WDR70: variants seen among roughly 807,000 people sequenced by gnomAD.
The protein encoded by WDR70 is WD repeat-containing protein 70.
In WDR70, 53 loss-of-function variants were observed where a neutral mutation model predicts 88.6. The ratio of observed to expected loss-of-function variants is 0.60; its 90% CI spans 0.48 to 0.75. The LOEUF (loss-of-function observed/expected upper bound fraction) is 0.75. Among genes scored for constraint, WDR70 ranks in the 30% least tolerant of loss-of-function variants. The pLI is 0.00. For synonymous variants in WDR70, 280 were observed against 270.0 expected, an observed-to-expected ratio of 1.04 and a Z score of -0.36; for missense variants, 610 against 823.2, an observed-to-expected ratio of 0.74 and a Z score of 3.17.
At chr5:37,414,155 A>T in intron 5 of WDR70, among the ~76,000 whole-genome samples, 1 of 151,400 alleles carries the variant, frequency 6.6e-6, no homozygotes, top group Non-Finnish European at 1.5e-5. Flanking sequence ...AAAAAAAAAA[A>T]AAAAAAAAGA....
At chr5:37,494,376 A>G (rs1409163248) in intron 8 of WDR70, among the ~76,000 whole-genome samples, 1 of 152,210 alleles carries the variant, frequency 6.6e-6, no homozygotes, top group Non-Finnish European at 1.5e-5. Flanking sequence ...AAATTTGTAG[A>G]AACAATCATT....
At chr5:37,502,997 A>G (rs1208407963) in intron 8 of WDR70, among the ~76,000 whole-genome samples, 1 of 152,044 alleles carries the variant, frequency 6.6e-6, no homozygotes, top group African/African-American at 2.4e-5. Flanking sequence ...AAATACACAA[A>G]CTATATCACA....
rs750294450 is a variant in WDR70, at chr5:37,619,746, T to TTTTTG, written c.1092+14523_1092+14527dup. Among the ~76,000 whole-genome samples, 257 of 152,082 alleles carry TTTTTG rather than the reference T, an allele frequency of 1.7e-3. 1 individual carries two copies. Among genetic ancestry groups the TTTTTG allele is most frequent in the Non-Finnish European group, 1.6e-3 (112 of 67,976 alleles). On this transcript the variant is annotated intron_variant, in intron 10 of 17. Transcript: ENST00000265107. ...AGTGAGTCCTCCCTGTTTGGTTTTT[T>TTTTTG]TTTTGTTTTGTTTTGTTTTTTCTTC... is the stretch of plus-strand genomic sequence containing the variant.
At chr5:37,543,154 C>T (rs1350442039) in intron 9 of WDR70, among the ~76,000 whole-genome samples, 2 of 152,168 alleles carry the variant, frequency 1.3e-5, no homozygotes, top group Non-Finnish European at 2.9e-5. Flanking sequence ...AACCCCCAAA[C>T]TTGTCAGAGA....
intron 13 of WDR70, among the ~76,000 whole-genome samples, chr5:37,706,095 A>G (rs1747313587): frequency 1.3e-5 from 2 of 152,252 alleles, no homozygotes; most frequent in South Asian, 4.1e-4. Flanking sequence ...TCTTAAAAAT[A>G]TAGCAAGGGC....
chr5:37,626,939 G>A (rs2176478), intron 10 of WDR70, among the ~76,000 whole-genome samples: 63,448 of 151,736 alleles, frequency 0.42, 15,076 homozygotes, highest in Non-Finnish European at 0.53. Flanking sequence ...ATGATCCTTT[G>A]TATTTCTATG....
intron 11 of WDR70, among the ~76,000 whole-genome samples, chr5:37,700,681 C>T (rs559342466): frequency 2.6e-5 from 4 of 152,166 alleles, no homozygotes; most frequent in African/African-American, 9.7e-5. Flanking sequence ...CAAGAAGTAA[C>T]GTATGCTCAA....
chr5:37,415,389 G>C (rs1208471332), intron 5 of WDR70, among the ~76,000 whole-genome samples: 4 of 117,026 alleles, frequency 3.4e-5, no homozygotes, highest in Admixed American at 8.9e-5. Flanking sequence ...CTCCCGGACG[G>C]GGCGGCTGGC....
chr5:37,612,373 A>G (rs1177009547), intron 10 of WDR70, among the ~76,000 whole-genome samples: 1 of 152,234 alleles, frequency 6.6e-6, no homozygotes, highest in East Asian at 1.9e-4. Context: ...CAATTACATT[A>G]TATTTTACTT....
intron 8 of WDR70, among the ~76,000 whole-genome samples, chr5:37,487,394 G>A (rs1457976307): frequency 1.3e-5 from 2 of 151,510 alleles, no homozygotes; most frequent in Non-Finnish European, 2.9e-5. Context: ...TCTGATTTCA[G>A]GAGTAATTAG....
chr5:37,679,311 C>G (rs1438355196), intron 10 of WDR70, among the ~76,000 whole-genome samples: 2 of 151,916 alleles, frequency 1.3e-5, no homozygotes, highest in Admixed American at 6.6e-5. Context: ...AGGCACCCTG[C>G]TTTTTAGAGT....
chr5:37,736,080 G>T (rs1748298355), intron 17 of WDR70, among the ~76,000 whole-genome samples: 1 of 152,172 alleles, frequency 6.6e-6, no homozygotes, highest in South Asian at 2.1e-4. Context: ...TCAGTTTCTT[G>T]TAAGAAGATG....
chr5:37,472,863 T>C lies in WDR70; in HGVS notation c.687-6971T>C, dbSNP rs531443356. On this transcript the variant is annotated intron_variant, in intron 7 of 17. Transcript: ENST00000265107. ...TAATGAATAAAGCTGCTTTGAACGT[T>C]TTTGTATGAGCCTTTTTGTGTGCTA... 1.5e-3 allele frequency among the ~76,000 whole-genome samples: 222 copies of C among 152,212 alleles called. 4 individuals carry two copies. The highest frequency in any genetic ancestry group is 5.1e-3 in the African/African-American group (213 of 41,444).
intron 9 of WDR70, among the ~76,000 whole-genome samples, chr5:37,564,079 C>T (rs1186155457): frequency 6.8e-6 from 1 of 147,514 alleles, no homozygotes; most frequent in Non-Finnish European, 1.5e-5. Context: ...ACATCCCAGA[C>T]GATGGGCGGC....
intron 17 of WDR70, among the ~76,000 whole-genome samples, chr5:37,738,635 T>C (rs1214463431): frequency 1.3e-5 from 2 of 152,120 alleles, no homozygotes; most frequent in Non-Finnish European, 2.9e-5. Context: ...GAGGGACTCT[T>C]TATTCATTAC....
At chr5:37,609,857 A>T (rs561361859) in intron 10 of WDR70, among the ~76,000 whole-genome samples, 36 of 152,388 alleles carry the variant, frequency 2.4e-4, no homozygotes, top group Non-Finnish European at 4.6e-4. Context: ...GCTTTTGGCA[A>T]GTAAGACAAC....
At chr5:37,670,992 G>A (rs184100365) in intron 10 of WDR70, among the ~76,000 whole-genome samples, 5 of 152,284 alleles carry the variant, frequency 3.3e-5, no homozygotes. Flanking sequence ...CAGAGAAACA[G>A]GAGAAAGTTA....
chr5:37,446,222 C>T (rs1738472586), intron 7 of WDR70, among the ~76,000 whole-genome samples: 1 of 152,124 alleles, frequency 6.6e-6, no homozygotes, highest in Non-Finnish European at 1.5e-5. Flanking sequence ...CCTAGGAATG[C>T]AACTTACAAG....
At chr5:37,599,977 A>G (rs1743819738) in intron 9 of WDR70, among the ~76,000 whole-genome samples, 2 of 152,192 alleles carry the variant, frequency 1.3e-5, no homozygotes, top group South Asian at 4.1e-4. Context: ...ATTTAAGTGT[A>G]AAGAAGGTCC....
Sources: allele counts gnomAD v4.1 joint callset (sites outside exome capture counted in the v4.1 genomes callset), GRCh38; gene constraint gnomAD v4.1.1; transcripts MANE v1.5; gene names NCBI Gene and HGNC (gene_info 2026-07-23, HGNC 2026-07-21).